RAC1: variants seen among roughly 807,000 people sequenced by gnomAD.
The protein encoded by RAC1 is ras-related C3 botulinum toxin substrate 1.
A neutral mutation model predicts 25.2 loss-of-function variants in RAC1; 2 were observed. That is an observed-to-expected ratio of 0.08 (90% CI 0.03 to 0.25). The LOEUF (loss-of-function observed/expected upper bound fraction) is 0.25. Among genes scored for constraint, RAC1 ranks in the 10% least tolerant of loss-of-function variants. The pLI, the probability that RAC1 is intolerant of heterozygous loss-of-function variation, is 1.00. For synonymous variants in RAC1, 88 were observed against 94.0 expected (o/e 0.94, Z 0.37); for missense variants, 50 against 235.7 (o/e 0.21, Z 5.16).
intron 3 of RAC1, among the ~76,000 whole-genome samples, chr7:6,396,845 A>C (rs959162241): frequency 1.3e-5 from 2 of 152,148 alleles, no homozygotes; most frequent in Admixed American, 1.3e-4. Flanking sequence ...CCTGGCTAAC[A>C]CGTTGAAACC....
intron 3 of RAC1, among the ~76,000 whole-genome samples, chr7:6,399,503 C>T (rs1783339189): frequency 6.6e-6 from 1 of 152,244 alleles, no homozygotes. Context: ...CCTCTGCACC[C>T]ACCCTTTGCG....
At chr7:6,389,637 G>A (rs1210882887) in intron 2 of RAC1, among the ~76,000 whole-genome samples, 1 of 151,936 alleles carries the variant, frequency 6.6e-6, no homozygotes, top group South Asian at 2.1e-4. Context: ...CCAAGATTGT[G>A]CCTCTGCACT....
At chr7:6,380,163 G>A (rs986526998) in intron 1 of RAC1, among the ~76,000 whole-genome samples, 6 of 152,160 alleles carry the variant, frequency 3.9e-5, no homozygotes, top group Non-Finnish European at 7.3e-5. Flanking sequence ...TCTGTTGAAC[G>A]GTGGTGGCGT....
chr7:6,375,258 A>C (rs2115178069), intron 1 of RAC1, among the ~76,000 whole-genome samples: 1 of 152,150 alleles, frequency 6.6e-6, no homozygotes, highest in South Asian at 2.1e-4. Flanking sequence ...TTTTCTTTAA[A>C]AAAATTTTTT....
intron 5 of RAC1, 69 bp from the exon 6 acceptor site, chr7:6,402,247 C>T (rs1783422543): frequency 4.6e-6 from 7 of 1,531,214 alleles, no homozygotes; most frequent in Non-Finnish European, 6.1e-6. Context: ...GGAGCTGCCT[C>T]CCGCTGGTGG....
intron 1 of RAC1, among the ~76,000 whole-genome samples, chr7:6,385,124 C>G (rs185598428): frequency 3.9e-5 from 6 of 152,260 alleles, no homozygotes; most frequent in African/African-American, 9.6e-5. Flanking sequence ...TTTTTTTCAG[C>G]TCTAGAAATG....
intron 4 of RAC1, among the ~76,000 whole-genome samples, chr7:6,401,175 C>G (rs937797354): frequency 2.6e-5 from 4 of 152,114 alleles, no homozygotes; most frequent in African/African-American, 7.2e-5. Context: ...AGGCTGGTCT[C>G]GAACCCCTGG....
rs577661932 is a variant in RAC1 at position 6,387,761 on chromosome 7, A to T, written c.107+478A>T. The stretch of plus-strand genomic sequence containing the variant: ...AAAAAAAGAAACTTAGGGTAATATA[A>T]ACTTTTCACAACTTTGCTAGTTGAT... On this transcript the variant is annotated intron_variant, in intron 2 of 5. Coordinates refer to ENST00000348035, the MANE Select transcript of RAC1 (RefSeq NM_006908.5). Among the ~76,000 whole-genome samples the T allele has an allele frequency of 3.3e-5, 5 of 152,200 alleles. No homozygotes were observed. The South Asian group carries it at 8.3e-4, about 25-fold the overall frequency.
chr7:6,399,310 G>T (rs1055716872), intron 3 of RAC1, among the ~76,000 whole-genome samples: 30 of 152,232 alleles, frequency 2.0e-4, no homozygotes, highest in African/African-American at 6.8e-4. Context: ...CTTGGGAATT[G>T]TGTGCATTTC....
intron 3 of RAC1, among the ~76,000 whole-genome samples, chr7:6,392,780 A>G (rs1004307142): frequency 1.3e-5 from 2 of 152,230 alleles, no homozygotes; most frequent in African/African-American, 4.8e-5. Context: ...CTTTGGAAGC[A>G]AAAGTTAAAT....
intron 1 of RAC1, among the ~76,000 whole-genome samples, chr7:6,380,316 T>C (rs1005828448): frequency 3.3e-5 from 5 of 152,140 alleles, no homozygotes; most frequent in Non-Finnish European, 2.9e-5. Flanking sequence ...GCTCTGATCT[T>C]TGTTGATGAT....
At chr7:6,398,753 C>G in intron 3 of RAC1, 1 of 1,591,800 alleles carries the variant, frequency 6.3e-7, no homozygotes, top group South Asian at 1.1e-5. Flanking sequence ...CAGTTTCAAG[C>G]TTTCTCTGTT....
chr7:6,392,335 C>G (rs1334275848), intron 3 of RAC1, among the ~76,000 whole-genome samples: 1 of 152,148 alleles, frequency 6.6e-6, no homozygotes, highest in East Asian at 1.9e-4. Context: ...GTTTTTAACA[C>G]CAATTAGTTT....
chr7:6,381,674 C>A (rs531183803), intron 1 of RAC1, among the ~76,000 whole-genome samples: 48 of 152,286 alleles, frequency 3.2e-4, no homozygotes, highest in African/African-American at 1.1e-3. Flanking sequence ...GGATTACAGG[C>A]ATGAGCCACC....
At chr7:6,380,372 T>G (rs912287658) in intron 1 of RAC1, among the ~76,000 whole-genome samples, 1 of 114,812 alleles carries the variant, frequency 8.7e-6, no homozygotes, top group Non-Finnish European at 1.7e-5. Context: ...AAAAAAATTA[T>G]ACATAATGTG....
rs560453729 is a variant in RAC1, at chr7:6,386,052, C to CT, written c.36-1157dup. ...AAAAACATTCCAGGTGGTTGGGAGACTTTCAGCCACCACTCTTCTGCCTGG... is the reference window on the plus strand; with the variant it reads ...AAAAACATTCCAGGTGGTTGGGAGACTTTTCAGCCACCACTCTTCTGCCTGG... On this transcript the variant is annotated intron_variant, in intron 1 of 5. Transcript: ENST00000348035. Among the ~76,000 whole-genome samples, 117 of 152,302 alleles carry CT rather than the reference C, an allele frequency of 7.7e-4. 3 individuals carry two copies. The South Asian group carries it at 8.7e-3, about 11-fold the overall frequency.
intron 1 of RAC1, among the ~76,000 whole-genome samples, chr7:6,385,140 T>A (rs1179378292): frequency 6.6e-6 from 1 of 152,142 alleles, no homozygotes; most frequent in Non-Finnish European, 1.5e-5. Context: ...AAATGTTAGC[T>A]CTTTTGCTGT....
At chr7:6,396,570 G>A (rs1019781503) in intron 3 of RAC1, among the ~76,000 whole-genome samples, 2 of 152,180 alleles carry the variant, frequency 1.3e-5, no homozygotes, top group African/African-American at 4.8e-5. Context: ...GATACGATCA[G>A]AGGCTCTTTG....
At chr7:6,381,936 T>C (rs1038526374) in intron 1 of RAC1, among the ~76,000 whole-genome samples, 8 of 152,150 alleles carry the variant, frequency 5.3e-5, no homozygotes, top group African/African-American at 1.9e-4. Context: ...ATTCAATAAG[T>C]AGGAATATAT....
Sources: gnomAD v4.1 joint callset for allele counts (sites outside exome capture counted in the v4.1 genomes callset) on GRCh38, gnomAD v4.1.1 for gene constraint, MANE v1.5 for transcripts, NCBI Gene and HGNC (gene_info 2026-07-23, HGNC 2026-07-21) for gene names.